The following PTPRT variants were observed in gnomAD, a reference collection of about 807,000 sequenced individuals.
PTPRT encodes the protein receptor-type tyrosine-protein phosphatase T.
PTPRT carries 56 observed loss-of-function variants against 176.8 expected under a neutral mutation model. The observed-to-expected ratio is 0.32, with a 90% CI of 0.26 to 0.40. The LOEUF is 0.40. Among genes scored for constraint, PTPRT ranks in the 10% least tolerant of loss-of-function variants. PTPRT has a pLI of 1.00. For synonymous variants in PTPRT, 783 were observed against 739.0 expected (o/e 1.06, Z -0.96); for missense variants, 1,540 against 1,908.2 (o/e 0.81, Z 3.60).
chr20:42,712,060 A>G lies in PTPRT; in HGVS notation c.860-33901T>C, dbSNP rs1030351863. ...AGAATCCCACTTTAAAATGAGCAGT[A>G]TACTGTGCCATTCATTACCTGGACT... is the stretch of plus-strand genomic sequence containing the variant. On this transcript the variant is annotated intron_variant, in intron 6 of 30. Coordinates refer to ENST00000373187, the MANE Select transcript of PTPRT (RefSeq NM_007050.6). Among the ~76,000 whole-genome samples, 3 of 152,186 alleles carry G rather than the reference A, an allele frequency of 2.0e-5. No individual in the cohort carries two copies. The East Asian group carries it at 5.8e-4, about 29-fold the overall frequency.
intron 1 of PTPRT, among the ~76,000 whole-genome samples, chr20:43,136,681 C>G (rs993333741): frequency 6.6e-6 from 1 of 152,126 alleles, no homozygotes; most frequent in African/African-American, 2.4e-5. Flanking sequence ...ACCTCCACAC[C>G]CTTGGACCTA....
chr20:42,472,903 C>T (rs2071223904), intron 7 of PTPRT, among the ~76,000 whole-genome samples: 1 of 152,162 alleles, frequency 6.6e-6, no homozygotes, highest in Non-Finnish European at 1.5e-5. Context: ...ACACACAGCA[C>T]ACTCCTCGCT....
At chr20:42,729,994 T>A (rs6030442) in intron 6 of PTPRT, among the ~76,000 whole-genome samples, 43,730 of 152,004 alleles carry the variant, frequency 0.29, 7,003 homozygotes, top group African/African-American at 0.43. Flanking sequence ...AGCATACAAT[T>A]CCTAGTCCTC....
At chr20:42,686,346 G>A (rs540884837) in intron 6 of PTPRT, 1 of 151,890 alleles carries the variant, frequency 6.6e-6, no homozygotes, top group African/African-American at 2.4e-5. Flanking sequence ...AAACATCCAG[G>A]TTTCCTTGAC....
At chr20:42,552,885 G>T (rs1311067664) in intron 7 of PTPRT, among the ~76,000 whole-genome samples, 1 of 152,040 alleles carries the variant, frequency 6.6e-6, no homozygotes, top group Admixed American at 6.6e-5. Flanking sequence ...AAAACAATAA[G>T]ATTTTTGATA....
chr20:43,169,917 G>A (rs1448715338), intron 1 of PTPRT, among the ~76,000 whole-genome samples: 1 of 152,152 alleles, frequency 6.6e-6, no homozygotes, highest in Admixed American at 6.5e-5. Context: ...AGAGCTTTGT[G>A]TGTTTAATAT....
intron 1 of PTPRT, among the ~76,000 whole-genome samples, chr20:43,045,378 T>A (rs1264611611): frequency 6.6e-6 from 1 of 152,136 alleles, no homozygotes; most frequent in African/African-American, 2.4e-5. Context: ...AACTACTTTG[T>A]GCCAGGCATT....
chr20:42,729,585 C>T (rs951108851), intron 6 of PTPRT, among the ~76,000 whole-genome samples: 7 of 152,082 alleles, frequency 4.6e-5, no homozygotes, highest in East Asian at 1.9e-4. Flanking sequence ...CCTTCTCCCA[C>T]GTGAAAGGTG....
chr20:42,404,734 T>C (rs776261594), intron 9 of PTPRT, among the ~76,000 whole-genome samples: 4 of 152,116 alleles, frequency 2.6e-5, no homozygotes, highest in African/African-American at 4.8e-5. Context: ...ATATGACTGC[T>C]ATGTCTTATA....
intron 1 of PTPRT, among the ~76,000 whole-genome samples, chr20:43,013,721 G>A (rs1445663983): frequency 9.2e-5 from 14 of 152,134 alleles, no homozygotes; most frequent in Admixed American, 7.9e-4. Context: ...AATTCACTCA[G>A]CAGACATTTC....
At chr20:43,126,793 T>C (rs1050555708) in intron 1 of PTPRT, among the ~76,000 whole-genome samples, 8 of 152,140 alleles carry the variant, frequency 5.3e-5, no homozygotes, top group South Asian at 2.1e-4. Flanking sequence ...GTAATAGTAA[T>C]AGTGGTAGCA....
At chr20:42,549,651 T>A (rs904568692) in intron 7 of PTPRT, among the ~76,000 whole-genome samples, 1 of 152,200 alleles carries the variant, frequency 6.6e-6, no homozygotes, top group African/African-American at 2.4e-5. Flanking sequence ...AAGAGGCACC[T>A]GTTTATTCAT....
intron 5 of PTPRT, among the ~76,000 whole-genome samples, chr20:42,762,077 C>G (rs2076923093): frequency 1.3e-5 from 2 of 152,162 alleles, no homozygotes; most frequent in African/African-American, 2.4e-5. Flanking sequence ...GCCCAGATGC[C>G]TAGCATTCTG....
At chr20:43,178,444 TAC>T (rs2015171663) in intron 1 of PTPRT, among the ~76,000 whole-genome samples, 1 of 152,108 alleles carries the variant, frequency 6.6e-6, no homozygotes, top group African/African-American at 2.4e-5. Context: ...CCCATTCCAA[TAC>T]ACACACTTTC....
chr20:42,061,980 A>G, the PTPRT span, among the ~76,000 whole-genome samples: 1 of 152,340 alleles, frequency 6.6e-6, no homozygotes, highest in Non-Finnish European at 1.5e-5. Context: ...GCCAGCAGAA[A>G]GCCTCAACCC....
Position 42,209,838 on chromosome 20 carries a change from C to T in PTPRT, c.2343-10450G>A, listed in dbSNP as rs1036578423. Among the ~76,000 whole-genome samples the T allele has an allele frequency of 1.2e-3, 176 of 152,100 alleles. 1 individual carries two copies. Among genetic ancestry groups the T allele is most frequent in the African/African-American group, 4.1e-3 (169 of 41,506 alleles). On this transcript the variant is annotated intron_variant, in intron 15 of 30. Transcript: ENST00000373187. Reference sequence around the variant, plus strand: ...CTGATACCAAAGCCTGGCAGAGACACAACAAAAAAAGAGAATTTTAGACCA... The same window carrying T: ...CTGATACCAAAGCCTGGCAGAGACATAACAAAAAAAGAGAATTTTAGACCA...
At chr20:42,922,255 C>G (rs1266143480) in intron 1 of PTPRT, among the ~76,000 whole-genome samples, 3 of 152,154 alleles carry the variant, frequency 2.0e-5, no homozygotes, top group African/African-American at 7.2e-5. Flanking sequence ...CTTTCTCAGC[C>G]TCCATGCTGG....
intron 23 of PTPRT, among the ~76,000 whole-genome samples, chr20:42,109,840 C>T (rs1249065526): frequency 1.3e-5 from 2 of 152,292 alleles, no homozygotes; most frequent in East Asian, 3.9e-4. Flanking sequence ...CTGACTTCTT[C>T]ACTGTTTTCA....
chr20:42,975,822 T>C (rs923365462), intron 1 of PTPRT, among the ~76,000 whole-genome samples: 7 of 152,074 alleles, frequency 4.6e-5, no homozygotes, highest in Non-Finnish European at 7.3e-5. Context: ...CGTATGCCTA[T>C]GTAACAAACC....
Sources: gnomAD v4.1 joint callset for allele counts (sites outside exome capture counted in the v4.1 genomes callset) on GRCh38, gnomAD v4.1.1 for gene constraint, MANE v1.5 for transcripts, NCBI Gene and HGNC (gene_info 2026-07-23, HGNC 2026-07-21) for gene names.